The following DCDC2C variants were observed in gnomAD, a reference collection of about 807,000 sequenced individuals.
The protein encoded by DCDC2C is doublecortin domain-containing protein 2C.
A neutral mutation model predicts 45.0 loss-of-function variants in DCDC2C; 44 were observed. The ratio of observed to expected loss-of-function variants is 0.98; its 90% CI spans 0.77 to 1.26. The LOEUF (loss-of-function observed/expected upper bound fraction) is 1.26, where lower values mean the gene tolerates loss of function less well. DCDC2C is among the 50% of genes most tolerant of loss of function. DCDC2C has a pLI of 0.00. For missense variants in DCDC2C, 447 were observed against 468.9 expected (o/e 0.95, Z 0.43); for synonymous variants, 187 against 178.8 (o/e 1.05, Z -0.37).
chr2:3,771,418 C>T (rs775021631), intron 8 of DCDC2C, among the ~76,000 whole-genome samples: 15 of 152,212 alleles, frequency 9.9e-5, no homozygotes, highest in Non-Finnish European at 1.8e-4. Context: ...GCCCAAACCG[C>T]GTTCTGCATC....
chr2:3,799,784 G>A (rs559524779), intron 10 of DCDC2C, among the ~76,000 whole-genome samples: 139 of 152,252 alleles, frequency 9.1e-4, no homozygotes, highest in African/African-American at 3.2e-3. Flanking sequence ...TGTCAGACAG[G>A]GACATTTAAG....
chr2:3,716,786 T>TAGACTC (rs1315494090), intron 2 of DCDC2C, among the ~76,000 whole-genome samples: 2 of 152,212 alleles, frequency 1.3e-5, no homozygotes, highest in Non-Finnish European at 2.9e-5. Flanking sequence ...TTTATGTAAA[T>TAGACTC]AGACTCAGAC....
At chr2:3,804,791 G>A (rs1338086098) in intron 10 of DCDC2C, among the ~76,000 whole-genome samples, 1 of 152,180 alleles carries the variant, frequency 6.6e-6, no homozygotes, top group East Asian at 1.9e-4. Flanking sequence ...TCTTTACAGT[G>A]AACACTTTAC....
chr2:3,838,145 C>G (rs1413260211), intron 10 of DCDC2C, among the ~76,000 whole-genome samples: 1 of 151,870 alleles, frequency 6.6e-6, no homozygotes, highest in African/African-American at 2.4e-5. Flanking sequence ...ATGTCCGGGG[C>G]AGGCAGTGGC....
At chr2:3,785,762 C>T (rs1670635808) in intron 10 of DCDC2C, among the ~76,000 whole-genome samples, 1 of 152,134 alleles carries the variant, frequency 6.6e-6, no homozygotes, top group Non-Finnish European at 1.5e-5. Flanking sequence ...TTTATTTAGT[C>T]TTTAGTTTTC....
At chr2:3,839,137 C>T (rs1672150659) in intron 10 of DCDC2C, among the ~76,000 whole-genome samples, 2 of 152,178 alleles carry the variant, frequency 1.3e-5, no homozygotes. Context: ...ATTCAAACTA[C>T]TTTTTGATGT....
At chr2:3,712,867 C>G (rs1326805265) in intron 2 of DCDC2C, among the ~76,000 whole-genome samples, 1 of 152,118 alleles carries the variant, frequency 6.6e-6, no homozygotes, top group Non-Finnish European at 1.5e-5. Flanking sequence ...TGTTCAATGT[C>G]CAGAAGTTTC....
chr2:3,787,434 C>T, intron 10 of DCDC2C, among the ~76,000 whole-genome samples: 1 of 152,238 alleles, frequency 6.6e-6, no homozygotes, highest in South Asian at 2.1e-4. Flanking sequence ...TAAATGCTGT[C>T]TACTGTTGTT....
chr2:3,776,514 TG>T (rs772321072), intron 8 of DCDC2C, among the ~76,000 whole-genome samples: 96 of 152,252 alleles, frequency 6.3e-4, no homozygotes, highest in Non-Finnish European at 9.3e-4. Flanking sequence ...CTTGCAATGC[TG>T]TCTTCCTTTG....
intron 6 of DCDC2C, among the ~76,000 whole-genome samples, chr2:3,764,104 A>T (rs1312623992): frequency 6.6e-6 from 1 of 152,236 alleles, no homozygotes; most frequent in East Asian, 1.9e-4. Context: ...ATCATTTCTC[A>T]TCGCTTACCT....
intron 4 of DCDC2C, among the ~76,000 whole-genome samples, chr2:3,743,196 A>ATATACAAC (rs1669265300): frequency 1.3e-5 from 2 of 151,442 alleles, no homozygotes; most frequent in Non-Finnish European, 3.0e-5. Context: ...GCCCATCAAG[A>ATATACAAC]ATATACAACA....
chr2:3,794,380 T>C (rs1670900774), intron 10 of DCDC2C, among the ~76,000 whole-genome samples: 1 of 152,170 alleles, frequency 6.6e-6, no homozygotes, highest in Admixed American at 6.5e-5. Context: ...TTATTATTAT[T>C]ATACTTTAAG....
chr2:3,711,101 C>CA (rs1285588654), intron 2 of DCDC2C, among the ~76,000 whole-genome samples: 1 of 152,148 alleles, frequency 6.6e-6, no homozygotes, highest in Non-Finnish European at 1.5e-5. Context: ...TTGACTTTTT[C>CA]AAAATAGCCA....
intron 10 of DCDC2C, among the ~76,000 whole-genome samples, chr2:3,793,720 AC>A (rs1378792581): frequency 2.0e-5 from 3 of 152,232 alleles, no homozygotes; most frequent in Non-Finnish European, 4.4e-5. Flanking sequence ...CAGGCACGCC[AC>A]ATTCTATGCC....
intron 8 of DCDC2C, among the ~76,000 whole-genome samples, chr2:3,776,196 T>C (rs12711972): frequency 0.34 from 51,178 of 152,100 alleles, 8,735 homozygotes; most frequent in South Asian, 0.45. Context: ...TTAGCTTCTC[T>C]CATGCCCGAG....
intron 4 of DCDC2C, among the ~76,000 whole-genome samples, chr2:3,747,415 G>A (rs146758815): frequency 6.6e-6 from 1 of 152,360 alleles, no homozygotes; most frequent in East Asian, 1.9e-4. Flanking sequence ...TTAGGAAAGA[G>A]AGAAGCCCCC....
chr2:3,718,335 C>T (rs553374673), intron 2 of DCDC2C, among the ~76,000 whole-genome samples: 4 of 152,290 alleles, frequency 2.6e-5, no homozygotes, highest in African/African-American at 7.2e-5. Flanking sequence ...CTCCACAAAC[C>T]GTCTGGCTGT....
intron 9 of DCDC2C, among the ~76,000 whole-genome samples, chr2:3,780,989 T>C (rs1182515457): frequency 6.6e-6 from 1 of 152,238 alleles, no homozygotes; most frequent in Non-Finnish European, 1.5e-5. Context: ...TGGCGCCACC[T>C]ACTGCTTCAA....
At chr2:3,807,347 C>A (rs998396445) in intron 10 of DCDC2C, among the ~76,000 whole-genome samples, 15 of 152,124 alleles carry the variant, frequency 9.9e-5, no homozygotes, top group African/African-American at 3.6e-4. Flanking sequence ...GCGAAGTGTG[C>A]CCAGGCAGGG....
Sources: allele counts gnomAD v4.1 joint callset (sites outside exome capture counted in the v4.1 genomes callset), GRCh38; gene constraint gnomAD v4.1.1; transcripts MANE v1.5; gene names NCBI Gene and HGNC (gene_info 2026-07-23, HGNC 2026-07-21).